The following HIPK2 variants were observed in gnomAD, a reference collection of about 807,000 sequenced individuals.
HIPK2 encodes the protein homeodomain-interacting protein kinase 2.
In HIPK2, 27 loss-of-function variants were observed where a neutral mutation model predicts 113.7. The observed-to-expected ratio is 0.24, with a 90% CI of 0.17 to 0.33. The LOEUF is 0.33. Among genes scored for constraint, HIPK2 ranks in the 10% least tolerant of loss-of-function variants. HIPK2 has a pLI of 1.00. For synonymous variants in HIPK2, 631 were observed against 642.2 expected, an observed-to-expected ratio of 0.98 and a Z score of 0.26; for missense variants, 1,257 against 1,588.0, an observed-to-expected ratio of 0.79 and a Z score of 3.54.
chr7:139,638,422 A>G (rs1267912234), intron 2 of HIPK2, among the ~76,000 whole-genome samples: 1 of 152,160 alleles, frequency 6.6e-6, no homozygotes, highest in Non-Finnish European at 1.5e-5. Context: ...ACAAAGATCA[A>G]TGACATACTC....
chr7:139,574,526 T>C (rs539616180), intron 14 of HIPK2, among the ~76,000 whole-genome samples: 2 of 152,356 alleles, frequency 1.3e-5, no homozygotes, highest in African/African-American at 4.8e-5. Flanking sequence ...TGAGGGGCTC[T>C]GAACACAAAC....
intron 2 of HIPK2, among the ~76,000 whole-genome samples, chr7:139,695,772 T>C (rs1465879599): frequency 6.6e-6 from 1 of 152,176 alleles, no homozygotes; most frequent in African/African-American, 2.4e-5. Context: ...GGAAGAAGCA[T>C]GACTCAGGGA....
At chr7:139,605,070 G>C (rs1799574392) in intron 9 of HIPK2, among the ~76,000 whole-genome samples, 1 of 152,174 alleles carries the variant, frequency 6.6e-6, no homozygotes, top group Non-Finnish European at 1.5e-5. Flanking sequence ...ACATCTGAGA[G>C]CAAGCAAGTA....
At chr7:139,635,636 C>T (rs753890296) in intron 2 of HIPK2, among the ~76,000 whole-genome samples, 6 of 151,926 alleles carry the variant, frequency 3.9e-5, no homozygotes, top group Non-Finnish European at 2.9e-5. Flanking sequence ...GTTCCTGCTG[C>T]GACCGTAAAG....
rs141377862 is a variant in HIPK2 at position 139,573,723 on chromosome 7, C to T, written c.3127-326G>A. Reference sequence around the variant, plus strand: ...CCGGGCATGGTGGCACGTGCCTTGTCTGTAGTCCCAGCTATTCGGTGGGCT... The same window carrying T: ...CCGGGCATGGTGGCACGTGCCTTGTTTGTAGTCCCAGCTATTCGGTGGGCT... On this transcript the variant is annotated intron_variant, in intron 14 of 14. Transcript: ENST00000406875. Among the ~76,000 whole-genome samples the T allele has an allele frequency of 5.6e-4, 85 of 152,052 alleles. No individual in the cohort carries two copies. The East Asian group carries it at 0.016, about 29-fold the overall frequency.
At chr7:139,622,716 T>C (rs767740905) in intron 6 of HIPK2, among the ~76,000 whole-genome samples, 1 of 152,170 alleles carries the variant, frequency 6.6e-6, no homozygotes, top group Non-Finnish European at 1.5e-5. Context: ...CCTGGAGTTC[T>C]TCAAGGTTTT....
intron 1 of HIPK2, among the ~76,000 whole-genome samples, chr7:139,730,243 T>G (rs1254270539): frequency 2.0e-5 from 3 of 152,224 alleles, no homozygotes; most frequent in African/African-American, 7.2e-5. Context: ...GAGGTGCCTT[T>G]TTGAGCTACC....
chr7:139,688,468 T>C (rs1794297021), intron 2 of HIPK2, among the ~76,000 whole-genome samples: 1 of 152,172 alleles, frequency 6.6e-6, no homozygotes, highest in African/African-American at 2.4e-5. Flanking sequence ...GGCTTCTCAC[T>C]CCCTCAACTC....
intron 4 of HIPK2, among the ~76,000 whole-genome samples, chr7:139,629,635 G>A (rs1800544902): frequency 6.6e-6 from 1 of 152,168 alleles, no homozygotes; most frequent in Admixed American, 6.5e-5. Flanking sequence ...CTCTATTGGT[G>A]GCTGAGACAC....
chr7:139,648,283 T>TG (rs1801315356), intron 2 of HIPK2, among the ~76,000 whole-genome samples: 1 of 152,256 alleles, frequency 6.6e-6, no homozygotes, highest in Admixed American at 6.5e-5. Context: ...AACTCTTTAG[T>TG]AAGTCTTGCT....
In HIPK2 at chr7:139,629,005, T is replaced by C. The variant is rs759398905; in HGVS notation, c.1382A>G (p.Lys461Arg). 1 of 1,595,336 alleles carries C rather than the reference T, an allele frequency of 6.3e-7. No individual in the cohort carries two copies. The change falls in exon 5 of 15, where the codon AAG becomes AGG. Residue 461 changes from lysine (K) to arginine (R), a missense_variant. Lys to Arg is a conservative substitution (Grantham distance 26). Coordinates refer to ENST00000406875, the MANE Select transcript of HIPK2 (RefSeq NM_022740.5). Reference protein sequence around the residue: ...PDDHEAETGIKSKEARKYIFN... With the variant: ...PDDHEAETGIRSKEARKYIFN... Reference sequence around the variant, plus strand: ...AATGTACTTTCTTGCTTCTTTTGACTTAATCCCTGTCTCTGCTTCATGGTC... The same window carrying C: ...AATGTACTTTCTTGCTTCTTTTGACCTAATCCCTGTCTCTGCTTCATGGTC...
chr7:139,617,248 C>G (rs2116816736), intron 7 of HIPK2, among the ~76,000 whole-genome samples: 1 of 152,290 alleles, frequency 6.6e-6, no homozygotes, highest in African/African-American at 2.4e-5. Flanking sequence ...TAAAAAAAAT[C>G]AGAGACTGGG....
chr7:139,688,352 C>T (rs1794292707), intron 2 of HIPK2, among the ~76,000 whole-genome samples: 3 of 152,226 alleles, frequency 2.0e-5, no homozygotes, highest in Non-Finnish European at 2.9e-5. Flanking sequence ...TTACCGCTCC[C>T]CCTAACTGGG....
intron 2 of HIPK2, among the ~76,000 whole-genome samples, chr7:139,705,229 C>A (rs1794854976): frequency 6.6e-6 from 1 of 152,222 alleles, no homozygotes; most frequent in African/African-American, 2.4e-5. Flanking sequence ...GGTGGGGAGG[C>A]TGGGGAAAGC....
chr7:139,583,878 G>A lies in HIPK2; in HGVS notation c.2904C>T (p.Ile968=), dbSNP rs571913088. The A allele has an allele frequency of 2.4e-5, 39 of 1,613,652 alleles. No homozygotes were observed. In the Admixed American group the frequency reaches 5.0e-4, roughly 21 times the overall value. ...TGGCCTGGGTTTTCAGGGGTGGCAC[G>A]ATGATGGTTCGGGGGTTCCCCGTGC... is the stretch of plus-strand genomic sequence containing the variant. ...NHCTGNPRTI[I]VPPLKTQASE... is the part of the protein sequence containing the mutation. The change falls in exon 13 of 15, where the codon ATC becomes ATT. Residue 968 remains isoleucine, a synonymous_variant. Coordinates refer to ENST00000406875, the MANE Select transcript of HIPK2 (RefSeq NM_022740.5).
intron 2 of HIPK2, among the ~76,000 whole-genome samples, chr7:139,669,912 C>A (rs1802203066): frequency 6.6e-6 from 1 of 152,150 alleles, no homozygotes; most frequent in South Asian, 2.1e-4. Context: ...GAATTTTCAA[C>A]TGGAATAATC....
intron 2 of HIPK2, among the ~76,000 whole-genome samples, chr7:139,665,173 G>A (rs1018375640): frequency 3.9e-5 from 6 of 152,064 alleles, no homozygotes; most frequent in Non-Finnish European, 5.9e-5. Context: ...GAGTAGCGGG[G>A]ACTGCAGTTG....
chr7:139,629,922 G>A (rs1198859166), intron 4 of HIPK2, among the ~76,000 whole-genome samples: 2 of 151,830 alleles, frequency 1.3e-5, no homozygotes, highest in African/African-American at 4.8e-5. Context: ...CCAAATGCCA[G>A]GCCTCCCATC....
intron 1 of HIPK2, among the ~76,000 whole-genome samples, chr7:139,763,240 G>A (rs981362483): frequency 1.2e-4 from 18 of 152,284 alleles, no homozygotes; most frequent in African/African-American, 3.1e-4. Flanking sequence ...CAAGTGTGAT[G>A]GAAAGCAGTT....
Sources: gnomAD v4.1 joint callset for allele counts (sites outside exome capture counted in the v4.1 genomes callset) on GRCh38, gnomAD v4.1.1 for gene constraint, MANE v1.5 for transcripts, NCBI Gene and HGNC (gene_info 2026-07-23, HGNC 2026-07-21) for gene names.